FAM120B: variants seen among roughly 807,000 people sequenced by gnomAD.
FAM120B encodes family with sequence similarity 120 member B, also known as constitutive coactivator of peroxisome proliferator-activated receptor gamma.
A neutral mutation model predicts 96.3 loss-of-function variants in FAM120B; 83 were observed. The observed-to-expected ratio is 0.86, with a 90% CI of 0.72 to 1.03. FAM120B has a LOEUF of 1.03. Ranked by LOEUF, FAM120B falls within the 50% of genes least tolerant of loss-of-function variation. The probability of loss-of-function intolerance (pLI) is 0.00; values close to 1 mark genes in which losing one functional copy is unlikely to be tolerated. For synonymous variants in FAM120B, 407 were observed against 402.7 expected (o/e 1.01, Z -0.13); for missense variants, 1,027 against 1,121.2 (o/e 0.92, Z 1.20).
chr6:170,361,206 A>ATACGTG (rs1788368707), intron 6 of FAM120B, among the ~76,000 whole-genome samples: 2 of 81,108 alleles, frequency 2.5e-5, no homozygotes, highest in South Asian at 4.3e-4. Flanking sequence ...GTGTATATAT[A>ATACGTG]TATATATATA....
At chr6:170,299,524 C>T (rs1784097600) in intron 1 of FAM120B, among the ~76,000 whole-genome samples, 2 of 152,236 alleles carry the variant, frequency 1.3e-5, no homozygotes. Context: ...GATGGGGCAG[C>T]CACTAGGCTC....
At chr6:170,381,613 T>C (rs988539469) in intron 6 of FAM120B, among the ~76,000 whole-genome samples, 3 of 151,972 alleles carry the variant, frequency 2.0e-5, no homozygotes, top group African/African-American at 7.2e-5. Flanking sequence ...TGAATGTAGG[T>C]ACAAAAATCT....
Position 170,363,070 on chromosome 6 carries a change from C to G in FAM120B, c.2283+4752C>G, listed in dbSNP as rs1788564626. On this transcript the variant is annotated intron_variant, in intron 6 of 10. Coordinates refer to ENST00000476287, the MANE Select transcript of FAM120B (RefSeq NM_032448.3). This position sits in a 1 kb window ranked among gnomAD's most constrained non-coding sequence, Gnocchi z 4.5. The stretch of plus-strand genomic sequence containing the variant: ...GCCTTTCTTTGCCCCATCAGTTTAT[C>G]TTTGCCGTGTCAGGGCTCTGAAAGC... Among the ~76,000 whole-genome samples, 1 of 152,150 alleles carries G rather than the reference C, an allele frequency of 6.6e-6. No homozygotes were observed. The highest frequency in any genetic ancestry group is 1.5e-5 in the Non-Finnish European group (1 of 68,026).
At chr6:170,337,381 C>T (rs1030669422) in intron 4 of FAM120B, among the ~76,000 whole-genome samples, 2 of 152,142 alleles carry the variant, frequency 1.3e-5, no homozygotes, top group African/African-American at 2.4e-5. Context: ...GGGATGAAGC[C>T]GACCTGATCG....
chr6:170,341,581 A>G (rs1786831307), intron 4 of FAM120B, among the ~76,000 whole-genome samples: 1 of 152,134 alleles, frequency 6.6e-6, no homozygotes, highest in Admixed American at 6.5e-5. Context: ...GTCTGCCCAA[A>G]CAGCTGCCCA....
upstream of FAM120B, among the ~76,000 whole-genome samples, chr6:170,304,732 C>T (rs1463726788): frequency 6.6e-6 from 1 of 151,992 alleles, no homozygotes; most frequent in African/African-American, 2.4e-5. Flanking sequence ...GAATTTTTCC[C>T]TCAGTCTCTT....
rs1392319656 is a variant in FAM120B, at chr6:170,295,892, G to T, written c.48+439G>T. ...GCCAGGCCCGCTGCGAGCAGCGGAG[G>T]CATGTGCTGATTTGCATGAGAACGG... On this transcript the variant is annotated intron_variant, in intron 1 of 10. Transcript: ENST00000537664. The surrounding 1 kb of genome is among the most constrained non-coding windows in gnomAD (Gnocchi z 7.8). Among the ~76,000 whole-genome samples the T allele has an allele frequency of 1.3e-5, 2 of 152,086 alleles. No homozygotes were observed. The highest frequency in any genetic ancestry group is 2.4e-5 in the African/African-American group (1 of 41,436).
chr6:170,309,461 T>G, intron 1 of FAM120B, among the ~76,000 whole-genome samples: 1 of 152,212 alleles, frequency 6.6e-6, no homozygotes. Context: ...TGAGTACTGT[T>G]TTGCTTATAA....
At chr6:170,391,791 G>A (rs906099397) in intron 8 of FAM120B, among the ~76,000 whole-genome samples, 1 of 152,146 alleles carries the variant, frequency 6.6e-6, no homozygotes, top group African/African-American at 2.4e-5. Context: ...AATTAAAAAG[G>A]AAATATACAT....
intron 5 of FAM120B, 52 bp from the exon 6 acceptor site, chr6:170,358,174 A>C: frequency 7.0e-7 from 1 of 1,430,564 alleles, no homozygotes; most frequent in Non-Finnish European, 9.7e-7. Context: ...ATTTGTAAGA[A>C]ATGTTTAATT....
Position 170,318,239 on chromosome 6 carries a change from A to G in FAM120B, c.849A>G (p.Lys283=), listed in dbSNP as rs2115022084. The G allele has an allele frequency of 1.9e-6, 3 of 1,613,792 alleles. No individual in the cohort carries two copies. The highest frequency in any genetic ancestry group is 3.3e-4 in the Middle Eastern group (2 of 6,062). The change falls in exon 2 of 11, where the codon AAA becomes AAG. Residue 283 remains lysine, a synonymous_variant. Transcript: ENST00000476287. ...TTTACTTGTATCAAGGTGAGAAAAA[A>G]TTAGAAGAGATATTACCTCTGGGAC... ...KVLYLYQGEK[K]LEEILPLGPN...
upstream of FAM120B, chr6:170,306,556 C>G (rs1445743253): frequency 3.3e-5 from 5 of 152,264 alleles, no homozygotes; most frequent in Admixed American, 1.3e-4. Context: ...CCGCCAGCAC[C>G]AGAGCAGTTG....
intron 6 of FAM120B, among the ~76,000 whole-genome samples, chr6:170,385,057 T>C (rs1354558993): frequency 6.6e-6 from 1 of 152,214 alleles, no homozygotes; most frequent in Non-Finnish European, 1.5e-5. Context: ...CTCCAGTGCA[T>C]ATGGGAAATC....
intron 8 of FAM120B, among the ~76,000 whole-genome samples, chr6:170,393,708 T>G (rs1790587333): frequency 6.6e-6 from 1 of 152,240 alleles, no homozygotes; most frequent in Admixed American, 6.5e-5. Context: ...ATGCCCCACA[T>G]GGCTCACCCA....
rs147316613 is a variant in FAM120B at position 170,391,108 on chromosome 6, C to T, written c.2586C>T (p.Gly862=). The change falls in exon 8 of 11, where the codon GGC becomes GGT. Residue 862 remains glycine (G), a synonymous_variant. Transcript: ENST00000476287. ...NRRITGRAHW[G]SHHAGRWGRQ... ...GCATCACTGGCCGAGCCCACTGGGG[C>T]TCACACCACGCAGGTGGGAAAGGGC... The T allele has an allele frequency of 8.1e-6, 13 of 1,613,590 alleles. No individual in the cohort carries two copies. Among genetic ancestry groups the T allele is most frequent in the African/African-American group, 1.3e-5 (1 of 74,934 alleles).
At chr6:170,399,688 C>G (rs1256463274) in intron 9 of FAM120B, among the ~76,000 whole-genome samples, 1 of 143,056 alleles carries the variant, frequency 7.0e-6, no homozygotes, top group Non-Finnish European at 1.5e-5. Context: ...GAAGGTAGAA[C>G]TATGTCATAA....
At chr6:170,291,659 C>T (rs914901410), upstream of FAM120B, among the ~76,000 whole-genome samples, 115 of 152,298 alleles carry the variant, frequency 7.6e-4, no homozygotes, top group Non-Finnish European at 6.2e-4. Context: ...CCTCCTGGCC[C>T]AGGACGGCGA....
chr6:170,327,418 A>G (rs780784421), intron 3 of FAM120B, among the ~76,000 whole-genome samples: 32 of 152,172 alleles, frequency 2.1e-4, no homozygotes, highest in Non-Finnish European at 4.6e-4. Context: ...CCAACCATTA[A>G]AAAAATATGA....
upstream of FAM120B, among the ~76,000 whole-genome samples, chr6:170,292,992 G>A (rs1783919875): frequency 6.6e-6 from 1 of 152,180 alleles, no homozygotes; most frequent in South Asian, 2.1e-4. This position sits in a 1 kb window ranked among gnomAD's most constrained non-coding sequence, Gnocchi z 6.6. Flanking sequence ...CCACCCCCAT[G>A]ATGGTGTCCT....
Sources: gnomAD v4.1 joint callset for allele counts (sites outside exome capture counted in the v4.1 genomes callset) on GRCh38, gnomAD v4.1.1 for gene constraint, Gnocchi (gnomAD v3.1) non-coding constraint, MANE v1.5 for transcripts, NCBI Gene and HGNC (gene_info 2026-07-23, HGNC 2026-07-21) for gene names.